Variants in TACC3 observed in about 807,000 individuals in gnomAD.
TACC3 encodes the protein transforming acidic coiled-coil containing protein 3, also known as transforming acidic coiled-coil-containing protein 3.
A neutral mutation model predicts 86.0 loss-of-function variants in TACC3; 52 were observed. The ratio of observed to expected loss-of-function variants is 0.60; its 90% CI spans 0.48 to 0.76. The LOEUF (loss-of-function observed/expected upper bound fraction) is 0.76, where lower values mean the gene tolerates loss of function less well. Ranked by LOEUF, TACC3 falls within the 30% of genes least tolerant of loss-of-function variation. The pLI, the probability that TACC3 is intolerant of heterozygous loss-of-function variation, is 0.00. For missense variants in TACC3, 1,120 were observed against 1,070.4 expected (o/e 1.05, Z -0.65); for synonymous variants, 512 against 430.0 (o/e 1.19, Z -2.36).
rs182239121 is a variant in TACC3 at position 1,733,693 on chromosome 4, C to T, written c.1592-1580C>T. Among the ~76,000 whole-genome samples, 4 of 152,152 alleles carry T rather than the reference C, an allele frequency of 2.6e-5. No homozygotes were observed. In the East Asian group the frequency reaches 5.8e-4, roughly 22 times the overall value. On this transcript the variant is annotated intron_variant, in intron 6 of 15. Coordinates refer to ENST00000313288, the MANE Select transcript of TACC3 (RefSeq NM_006342.3). ...AAAAGGCAGAAATGAAAACTGACAACAAGGCTAGGTGCGGTGGCTCACGCC... is the reference window on the plus strand; with the variant it reads ...AAAAGGCAGAAATGAAAACTGACAATAAGGCTAGGTGCGGTGGCTCACGCC...
intron 1 of TACC3, chr4:1,722,974 T>A (rs1029372772): frequency 6.2e-6 from 1 of 160,540 alleles, no homozygotes; most frequent in Non-Finnish European, 1.4e-5. Context: ...TTTTCTGCCC[T>A]CTACTGCCCG....
intron 6 of TACC3, among the ~76,000 whole-genome samples, 156 bp downstream of exon 6, chr4:1,731,457 G>A (rs1718005841): frequency 6.6e-6 from 1 of 152,218 alleles, no homozygotes; most frequent in South Asian, 2.1e-4. Flanking sequence ...CTTGTGGTTT[G>A]TCAAAACTTA....
In TACC3 at chr4:1,728,289, C is replaced by T. The variant is rs112715673; in HGVS notation, c.887C>T (p.Thr296Ile). The T allele has an allele frequency of 6.2e-7, 1 of 1,612,840 alleles. No individual in the cohort carries two copies. Among genetic ancestry groups the T allele is most frequent in the Non-Finnish European group, 8.5e-7 (1 of 1,180,032 alleles). Residue 296 changes from threonine to isoleucine, a missense_variant, in exon 4 of 16, where the codon ACC becomes ATC. By Grantham distance (89) the Thr-to-Ile change is moderately conservative. Transcript: ENST00000313288. Reference sequence around the variant, plus strand: ...ACTCAGACCCTTACCTGTGCACACACCTCTGCTCCTGAGAGCACAGCCCCA... The same window carrying T: ...ACTCAGACCCTTACCTGTGCACACATCTCTGCTCCTGAGAGCACAGCCCCA... ...DGTQTLTCAH[T>I]SAPESTAPTN...
At chr4:1,721,371 CGG>C (rs1296603260), upstream of TACC3, 16 of 4,870 alleles carry the variant, frequency 3.3e-3, no homozygotes, top group African/African-American at 0.01. Flanking sequence ...GGCGCCCGAG[CGG>C]GGGGTGGGGG....
rs1159721139 is a variant in TACC3, at chr4:1,728,446, C to G, written c.1044C>G (p.Ser348Arg). The G allele has an allele frequency of 6.2e-7, 1 of 1,613,690 alleles. No individual in the cohort carries two copies. The highest frequency in any genetic ancestry group is 8.5e-7 in the Non-Finnish European group (1 of 1,180,042). Residue 348 changes from serine to arginine, a missense_variant, in exon 4 of 16, where the codon AGC becomes AGG. Coordinates refer to ENST00000313288, the MANE Select transcript of TACC3 (RefSeq NM_006342.3). ...TTGATGTATCTGATGGCGCCACCAGCAAAAGGGCACCCCCACCAAGGAGAC... is the reference window on the plus strand; with the variant it reads ...TTGATGTATCTGATGGCGCCACCAGGAAAAGGGCACCCCCACCAAGGAGAC... ...LEFDVSDGAT[S>R]KRAPPPRRLG...
intron 4 of TACC3, chr4:1,730,679 G>A (rs1398901442): frequency 2.8e-6 from 2 of 707,958 alleles, no homozygotes; most frequent in East Asian, 2.7e-5. Context: ...TGGCAGGCAA[G>A]GCGCGTGTTT....
chr4:1,728,414 C>T lies in TACC3; in HGVS notation c.1012C>T (p.Leu338=). The T allele has an allele frequency of 6.2e-7, 1 of 1,613,468 alleles. No individual in the cohort carries two copies. The highest frequency in any genetic ancestry group is 1.7e-4 in the Middle Eastern group (1 of 6,060). Residue 338 remains leucine, a synonymous_variant, in exon 4 of 16, where the codon CTA becomes TTA. Transcript: ENST00000313288. ...CTCCTCGAGGAGCGGACCTGTAAAA[C>T]TAGAATTTGATGTATCTGATGGCGC... is the stretch of plus-strand genomic sequence containing the variant. The part of the protein sequence containing the change: ...ASSSRSGPVK[L]EFDVSDGATS...
chr4:1,723,506 G>A lies in TACC3; in HGVS notation c.85G>A (p.Val29Ile), dbSNP rs562391356. ...NCDFLFSPPE[V>I]TGRSSVLRVS... Reference sequence around the variant, plus strand: ...CGACTTCCTGTTTTCGCCACCAGAAGTTACCGGAAGATCGTCTGTTCTTCG... The same window carrying A: ...CGACTTCCTGTTTTCGCCACCAGAAATTACCGGAAGATCGTCTGTTCTTCG... The change falls in exon 2 of 16, where the codon GTT becomes ATT. Residue 29 changes from valine to isoleucine, a missense_variant. By Grantham distance (29) the Val-to-Ile change is conservative. Coordinates refer to ENST00000313288, the MANE Select transcript of TACC3 (RefSeq NM_006342.3). 1.9e-6 allele frequency: 3 copies of A among 1,613,802 alleles called. No individual in the cohort carries two copies. The East Asian group carries it at 6.7e-5, about 36-fold the overall frequency.
intron 13 of TACC3, chr4:1,741,971 T>G (rs189560067): frequency 6.6e-6 from 1 of 152,402 alleles, no homozygotes; most frequent in East Asian, 1.9e-4. Context: ...GATGTACACC[T>G]GTGGTCCCAG....
chr4:1,734,251 G>T (rs990656337), intron 6 of TACC3, among the ~76,000 whole-genome samples: 1 of 151,974 alleles, frequency 6.6e-6, no homozygotes, highest in Non-Finnish European at 1.5e-5. Context: ...GCAGTAGCAT[G>T]ATCTCAGCTT....
chr4:1,738,121 G>A lies in TACC3; in HGVS notation c.1941+419G>A, dbSNP rs556343265. On this transcript the variant is annotated intron_variant, in intron 10 of 15. Transcript: ENST00000313288. The stretch of plus-strand genomic sequence containing the variant: ...CCCACATCTGAGGGTCCCGTGCCTT[G>A]TCTCCCTCCATCCTCACTGTACATG... 98 of 351,040 alleles carry A rather than the reference G, an allele frequency of 2.8e-4. 1 individual carries two copies. Among genetic ancestry groups the A allele is most frequent in the East Asian group, 2.6e-3 (35 of 13,226 alleles). 21.7% of individuals were successfully genotyped at this position (351,040 alleles called of 1,614,324 possible).
intron 10 of TACC3, chr4:1,739,396 CT>C: frequency 2.1e-6 from 1 of 479,286 alleles, no homozygotes; most frequent in Non-Finnish European, 3.7e-6. Flanking sequence ...CTTAGGACCC[CT>C]AGTATCTGCC....
At chr4:1,738,532 T>C (rs555278759) in intron 10 of TACC3, among the ~76,000 whole-genome samples, 4 of 152,356 alleles carry the variant, frequency 2.6e-5, no homozygotes, top group South Asian at 2.1e-4. Flanking sequence ...ATGTAACTTA[T>C]GTTAGAAATG....
At chr4:1,743,903 G>A (rs897011449) in intron 13 of TACC3, among the ~76,000 whole-genome samples, 1 of 152,182 alleles carries the variant, frequency 6.6e-6, no homozygotes, top group African/African-American at 2.4e-5. Context: ...CAGTGCTGAG[G>A]GTGCTTCTGG....
intron 6 of TACC3, among the ~76,000 whole-genome samples, chr4:1,733,332 G>A (rs535748771): frequency 2.2e-4 from 34 of 152,262 alleles, no homozygotes; most frequent in African/African-American, 7.5e-4. Context: ...AAAATACAAA[G>A]TTAAGTCCCT....
chr4:1,735,141 C>A lies in TACC3; in HGVS notation c.1592-132C>A. Reference sequence around the variant, plus strand: ...CAGACAGCAGTCAGGCCCCGAACATCCACACCTCCAAGGGAGGAAATACTG... The same window carrying A: ...CAGACAGCAGTCAGGCCCCGAACATACACACCTCCAAGGGAGGAAATACTG... On this transcript the variant is annotated intron_variant, in intron 6 of 15. Coordinates refer to ENST00000313288, the MANE Select transcript of TACC3 (RefSeq NM_006342.3). The surrounding 1 kb of genome is among the most constrained non-coding windows in gnomAD (Gnocchi z 4.2). The A allele has an allele frequency of 7.8e-7, 1 of 1,282,658 alleles. No individual in the cohort carries two copies. The allele number at this position is 1,282,658 out of a possible 1,614,324, so 79.5% of individuals were successfully genotyped here.
rs780693821 is a variant in TACC3, at chr4:1,730,938, C to T, written c.1437C>T (p.Ala479=). ...ACACGCCTGTGGTGCAGTTGGCAGC[C>T]GAGACCCCAACAGCAGAGAGCAAGG... ...AEDTPVVQLA[A]ETPTAESKER... Residue 479 remains alanine, a synonymous_variant, in exon 5 of 16, where the codon GCC becomes GCT. Coordinates refer to ENST00000313288, the MANE Select transcript of TACC3 (RefSeq NM_006342.3). 2.8e-5 allele frequency: 45 copies of T among 1,613,298 alleles called. No homozygotes were observed. The highest frequency in any genetic ancestry group is 1.1e-4 in the East Asian group (5 of 44,900).
At chr4:1,737,536 A>C in intron 9 of TACC3, 62 bp from the exon 10 acceptor site, 1 of 1,341,192 alleles carries the variant, frequency 7.5e-7, no homozygotes, top group Non-Finnish European at 1.0e-6. Context: ...CCTCCCTCAC[A>C]CTAGGTCAGA....
At position 1,728,015 on chromosome 4, in the gene TACC3, C is replaced by T. The variant is rs774108725; in HGVS notation, c.613C>T (p.Pro205Ser). ...VTPASETLEDPCRTESQHKAE... is the reference protein window; with the variant it reads ...VTPASETLEDSCRTESQHKAE... Reference sequence around the variant, plus strand: ...ACCCGCCTCTGAGACCCTAGAAGACCCTTGCAGGACAGAGTCCCAGCACAA... The same window carrying T: ...ACCCGCCTCTGAGACCCTAGAAGACTCTTGCAGGACAGAGTCCCAGCACAA... Residue 205 changes from proline to serine, a missense_variant, in exon 4 of 16, where the codon CCT becomes TCT. By Grantham distance (74) the Pro-to-Ser change is moderately conservative (BLOSUM62 -1). Coordinates refer to ENST00000313288, the MANE Select transcript of TACC3 (RefSeq NM_006342.3). 1 of 1,613,228 alleles carries T rather than the reference C, an allele frequency of 6.2e-7. No individual in the cohort carries two copies. Among genetic ancestry groups the T allele is most frequent in the Non-Finnish European group, 8.5e-7 (1 of 1,180,032 alleles).
Sources: allele counts gnomAD v4.1 joint callset (sites outside exome capture counted in the v4.1 genomes callset), GRCh38; gene constraint gnomAD v4.1.1; non-coding constraint Gnocchi (gnomAD v3.1); transcripts MANE v1.5; gene names NCBI Gene and HGNC (gene_info 2026-07-23, HGNC 2026-07-21).